The following GPC1 variants were observed in gnomAD, a reference collection of about 807,000 sequenced individuals.
GPC1 encodes glypican-1.
In GPC1, 26 loss-of-function variants were observed where a neutral mutation model predicts 51.5. The ratio of observed to expected loss-of-function variants is 0.50; its 90% CI spans 0.37 to 0.70. The LOEUF (loss-of-function observed/expected upper bound fraction) is 0.70. Among genes scored for constraint, GPC1 ranks in the 30% least tolerant of loss-of-function variants. The pLI, the probability that GPC1 is intolerant of heterozygous loss-of-function variation, is 0.00. For synonymous variants in GPC1, 380 were observed against 348.3 expected (o/e 1.09, Z -1.01); for missense variants, 775 against 800.5 (o/e 0.97, Z 0.38).
chr2:240,440,448 T>C (rs1396792576), intron 1 of GPC1, among the ~76,000 whole-genome samples: 3 of 152,224 alleles, frequency 2.0e-5, no homozygotes, highest in Non-Finnish European at 4.4e-5. Context: ...TCTGCACTTC[T>C]TGGAAGGCTC....
rs1293509947 is a variant in GPC1, at chr2:240,448,944, T to C, written c.167-10086T>C. Among the ~76,000 whole-genome samples the C allele has an allele frequency of 1.3e-5, 2 of 151,876 alleles. No individual in the cohort carries two copies. The highest frequency in any genetic ancestry group is 2.9e-5 in the Non-Finnish European group (2 of 67,952). ...CAGGTATCAAGCCTGGGCTTCTCAT[T>C]TCCTCCCCTTCAGTGAGGACAGGGG... is the stretch of plus-strand genomic sequence containing the variant. On this transcript the variant is annotated intron_variant, in intron 1 of 8. Transcript: ENST00000264039. This position sits in a 1 kb window ranked among gnomAD's most constrained non-coding sequence, Gnocchi z 4.5.
intron 1 of GPC1, among the ~76,000 whole-genome samples, chr2:240,441,836 C>T (rs1233213173): frequency 3.3e-5 from 5 of 152,166 alleles, no homozygotes; most frequent in East Asian, 1.9e-4. Context: ...CACACCCAGG[C>T]GGGAGCACGC....
intron 1 of GPC1, chr2:240,449,670 G>A (rs958597721): frequency 6.4e-5 from 22 of 345,446 alleles, no homozygotes; most frequent in Non-Finnish European, 1.2e-4. Flanking sequence ...TTTTCATCTT[G>A]TAAAACTGAA....
At chr2:240,450,634 G>C (rs1335391838) in intron 1 of GPC1, 2 of 470,868 alleles carry the variant, frequency 4.2e-6, no homozygotes, top group East Asian at 7.0e-5. Flanking sequence ...CCATTCAGGG[G>C]CGTGCCCCGT....
chr2:240,459,545 C>T (rs948255796), intron 2 of GPC1, among the ~76,000 whole-genome samples: 1 of 152,224 alleles, frequency 6.6e-6, no homozygotes, highest in Non-Finnish European at 1.5e-5. Context: ...GCCTGCAGCT[C>T]GTCAAGTGCC....
intron 1 of GPC1, 76 bp downstream of exon 1, chr2:240,436,160 C>A: frequency 9.7e-7 from 1 of 1,026,308 alleles, no homozygotes; most frequent in Non-Finnish European, 1.2e-6. Flanking sequence ...CCCGACGCGG[C>A]TACTCGCCCC....
rs1559203792 is a variant in GPC1 at position 240,464,934 on chromosome 2, G to A, written c.1093G>A (p.Ala365Thr). 1 of 1,551,582 alleles carries A rather than the reference G, an allele frequency of 6.4e-7. No homozygotes were observed. Among genetic ancestry groups the A allele is most frequent in the East Asian group, 2.4e-5 (1 of 41,172 alleles). ...PEEKRRRGKL[A>T]PRERPPSGTL... The stretch of plus-strand genomic sequence containing the variant: ...GGAGAAGCGGCGCCGGGGCAAGCTG[G>A]CCCCGCGGGAGAGGCCACCTTCAGG... Residue 365 changes from alanine (A) to threonine (T), a missense_variant, in exon 6 of 9, where the codon GCC (alanine) becomes ACC (threonine). Coordinates refer to ENST00000264039, the MANE Select transcript of GPC1 (RefSeq NM_002081.3).
At chr2:240,453,094 C>A (rs1381472045) in intron 1 of GPC1, 2 of 294,804 alleles carry the variant, frequency 6.8e-6, no homozygotes, top group Admixed American at 1.1e-4. Flanking sequence ...TACCCGCATC[C>A]GCAGGCGCGC....
At chr2:240,465,042 C>T in intron 6 of GPC1, 35 bp from the exon 7 acceptor site, 1 of 1,582,634 alleles carries the variant, frequency 6.3e-7, no homozygotes, top group South Asian at 1.1e-5. Context: ...GCGGGCGGGC[C>T]CTGGCAGCCC....
At chr2:240,455,219 C>T (rs2074146346) in intron 1 of GPC1, among the ~76,000 whole-genome samples, 1 of 152,136 alleles carries the variant, frequency 6.6e-6, no homozygotes, top group Non-Finnish European at 1.5e-5. Context: ...GATGAATCTG[C>T]CATTAAACAA....
chr2:240,441,499 C>T (rs576082421), intron 1 of GPC1, among the ~76,000 whole-genome samples: 43 of 152,366 alleles, frequency 2.8e-4, no homozygotes, highest in African/African-American at 1.0e-3. Flanking sequence ...GGTGGGCACT[C>T]CTACATGCGG....
chr2:240,435,740 C>G lies in GPC1; in HGVS notation c.-179C>G, dbSNP rs867932714. On this transcript the variant is annotated 5_prime_UTR_variant, in exon 1 of 9. Transcript: ENST00000264039. ...TTCGGACCTCGCACCCCGCGCGCCC[C>G]GCGCCGCCGCCGCCGCCGGCTTTTG... The G allele has an allele frequency of 6.7e-6, 2 of 297,990 alleles. No individual in the cohort carries two copies. The highest frequency in any genetic ancestry group is 1.2e-5 in the Non-Finnish European group (2 of 170,690). 18.5% of individuals were successfully genotyped at this position (297,990 alleles called of 1,614,324 possible).
rs541671238 is a variant in GPC1 at position 240,456,293 on chromosome 2, T to C, written c.167-2737T>C. Among the ~76,000 whole-genome samples, 3 of 152,000 alleles carry C rather than the reference T, an allele frequency of 2.0e-5. No individual in the cohort carries two copies. In the East Asian group the frequency reaches 5.8e-4, roughly 30 times the overall value. On this transcript the variant is annotated intron_variant, in intron 1 of 8. Coordinates refer to ENST00000264039, the MANE Select transcript of GPC1 (RefSeq NM_002081.3). ...TTCGGGCCTCACCTCTCCATGCCTC[T>C]CGTCAGCCTCTCCCGTCTGCGTGGT...
In GPC1 at chr2:240,466,126, A is replaced by G. The variant is rs777765903; in HGVS notation, c.1513A>G (p.Arg505Gly). Residue 505 changes from arginine (R) to glycine (G), a missense_variant, in exon 9 of 9, where the codon AGG becomes GGG. Physicochemically the swap from Arg to Gly is moderately radical, Grantham distance 125 (BLOSUM62 -2). Coordinates refer to ENST00000264039, the MANE Select transcript of GPC1 (RefSeq NM_002081.3). ...TGACCTCTGCAGCCGGAAGGTCAGC[A>G]GGAAGAGCTCCAGCTCCCGGACGCC... ...LDDLCSRKVSRKSSSSRTPLT... is the reference protein window; with the variant it reads ...LDDLCSRKVSGKSSSSRTPLT... 2 of 1,612,880 alleles carry G rather than the reference A, an allele frequency of 1.2e-6. No individual in the cohort carries two copies. Among genetic ancestry groups the G allele is most frequent in the South Asian group, 2.2e-5 (2 of 91,074 alleles).
In GPC1 at chr2:240,462,532, T is replaced by C; in HGVS notation, c.667T>C (p.Phe223Leu). The change falls in exon 3 of 9, where the codon TTT becomes CTT. Residue 223 changes from phenylalanine to leucine, a missense_variant. Phe to Leu is a conservative substitution (Grantham distance 22). Coordinates refer to ENST00000264039, the MANE Select transcript of GPC1 (RefSeq NM_002081.3). ...CCGTGCCTTCGTGGCTGCTCGCTCCTTTGTGCAGGGCCTGGGCGTGGCCAG... is the reference window on the plus strand; with the variant it reads ...CCGTGCCTTCGTGGCTGCTCGCTCCCTTGTGCAGGGCCTGGGCGTGGCCAG... ...ATRAFVAARS[F>L]VQGLGVASDV... is the part of the protein sequence containing the mutation. 6.3e-7 allele frequency: 1 copy of C among 1,575,818 alleles called. No homozygotes were observed. Among genetic ancestry groups the C allele is most frequent in the Non-Finnish European group, 8.6e-7 (1 of 1,162,200 alleles).
chr2:240,459,440 G>C (rs2352828), intron 2 of GPC1, among the ~76,000 whole-genome samples: 3,767 of 152,270 alleles, frequency 0.025, 144 homozygotes, highest in African/African-American at 0.086. Flanking sequence ...TGCACATTTG[G>C]GGACAGAGGG....
In GPC1 at chr2:240,462,587, G is replaced by T. The variant is rs745498714; in HGVS notation, c.717+5G>T. 7 of 1,514,038 alleles carry T rather than the reference G, an allele frequency of 4.6e-6. No individual in the cohort carries two copies. The highest frequency in any genetic ancestry group is 2.3e-5 in the East Asian group (1 of 43,970). The allele number at this position is 1,514,038 out of a possible 1,614,324, so 93.8% of individuals were successfully genotyped here. On this transcript the variant is annotated splice_donor_5th_base_variant and intron_variant, in intron 3 of 8. Transcript: ENST00000264039. ...GTGGTCCGGAAAGTGGCTCAGGTGC[G>T]CACAGCCACCCAGGGCTCTCAGAAA... is the stretch of plus-strand genomic sequence containing the variant.
At chr2:240,457,375 T>C (rs2074175938) in intron 1 of GPC1, 1 of 457,786 alleles carries the variant, frequency 2.2e-6, no homozygotes, top group South Asian at 1.6e-5. Flanking sequence ...GGTTCTCTGT[T>C]CCCTTCTCTT....
chr2:240,457,939 G>A, intron 1 of GPC1: 1 of 426,130 alleles, frequency 2.3e-6, no homozygotes, highest in South Asian at 1.6e-5. Context: ...CTCTGACCAA[G>A]CCAGGCTCCT....
Sources: allele counts gnomAD v4.1 joint callset (sites outside exome capture counted in the v4.1 genomes callset), GRCh38; gene constraint gnomAD v4.1.1; non-coding constraint Gnocchi (gnomAD v3.1); transcripts MANE v1.5; gene names NCBI Gene and HGNC (gene_info 2026-07-23, HGNC 2026-07-21).